Variants in CRPPA observed in about 807,000 individuals in gnomAD.
CRPPA encodes the protein D-ribitol-5-phosphate cytidylyltransferase.
Under a neutral mutation model 52.0 loss-of-function variants are expected in CRPPA, and 43 were observed. The ratio of observed to expected loss-of-function variants is 0.83; its 90% CI spans 0.65 to 1.07. The LOEUF (loss-of-function observed/expected upper bound fraction) is 1.07. CRPPA is among the 50% of genes least tolerant of loss of function. The probability of loss-of-function intolerance (pLI) is 0.00; values close to 1 mark genes in which losing one functional copy is unlikely to be tolerated. For synonymous variants in CRPPA, 250 were observed against 203.5 expected (o/e 1.23, Z -1.94); for missense variants, 629 against 551.7 (o/e 1.14, Z -1.40).
At chr7:16,273,243 G>T (rs553188515) in intron 6 of CRPPA, among the ~76,000 whole-genome samples, 1 of 152,042 alleles carries the variant, frequency 6.6e-6, no homozygotes, top group East Asian at 1.9e-4. Flanking sequence ...CCTGGGTACT[G>T]TGGCCCAAAG....
At chr7:16,286,066 T>TTTAAAA (rs1562608525) in intron 5 of CRPPA, among the ~76,000 whole-genome samples, 2 of 25,830 alleles carry the variant, frequency 7.7e-5, no homozygotes, top group South Asian at 7.2e-4. Flanking sequence ...TATATATATA[T>TTTAAAA]ATATATATAT....
At chr7:16,333,049 G>A (rs192323028) in intron 3 of CRPPA, among the ~76,000 whole-genome samples, 91 of 152,196 alleles carry the variant, frequency 6.0e-4, no homozygotes, top group African/African-American at 2.1e-3. Flanking sequence ...TCATAAAGGG[G>A]ACAATACTCT....
chr7:16,103,126 TA>T (rs776922593), intron 9 of CRPPA, among the ~76,000 whole-genome samples: 3 of 152,208 alleles, frequency 2.0e-5, no homozygotes, highest in Admixed American at 1.3e-4. Context: ...TATGCAGCCA[TA>T]AAAAGAATGA....
At chr7:16,366,808 A>C (rs1038704936) in intron 3 of CRPPA, among the ~76,000 whole-genome samples, 9 of 150,900 alleles carry the variant, frequency 6.0e-5, no homozygotes, top group East Asian at 1.9e-4. Flanking sequence ...AAAAAAAAAA[A>C]CATGGGAAAT....
At chr7:16,218,248 T>G in intron 8 of CRPPA, among the ~76,000 whole-genome samples, 1 of 122,886 alleles carries the variant, frequency 8.1e-6, no homozygotes, top group African/African-American at 3.1e-5. Context: ...TGCTGAGAGA[T>G]TTTGTCACCA....
chr7:16,400,620 A>G (rs968951185), intron 2 of CRPPA, among the ~76,000 whole-genome samples: 1 of 152,160 alleles, frequency 6.6e-6, no homozygotes, highest in Non-Finnish European at 1.5e-5. Context: ...CACAACCGAC[A>G]TGATGTGATC....
At chr7:16,231,863 G>A (rs1475304986) in intron 8 of CRPPA, among the ~76,000 whole-genome samples, 1 of 152,140 alleles carries the variant, frequency 6.6e-6, no homozygotes, top group African/African-American at 2.4e-5. Flanking sequence ...TAATCCCTAA[G>A]AGACACAAAA....
At chr7:16,348,497 A>G (rs770819538) in intron 3 of CRPPA, among the ~76,000 whole-genome samples, 1 of 152,180 alleles carries the variant, frequency 6.6e-6, no homozygotes, top group Non-Finnish European at 1.5e-5. Context: ...GAGGTAATGC[A>G]TCCTATAAAT....
intron 8 of CRPPA, among the ~76,000 whole-genome samples, chr7:16,246,429 C>T (rs1299971361): frequency 6.6e-6 from 1 of 152,068 alleles, no homozygotes; most frequent in Non-Finnish European, 1.5e-5. Flanking sequence ...GGATTATGAC[C>T]CCCCATGAAT....
chr7:16,345,756 C>A (rs1274089788), intron 3 of CRPPA, among the ~76,000 whole-genome samples: 1 of 149,134 alleles, frequency 6.7e-6, no homozygotes, highest in Non-Finnish European at 1.5e-5. Context: ...ACTCTCAGTC[C>A]TTTAGAGTTT....
At chr7:16,370,534 C>T (rs1355392704) in intron 3 of CRPPA, among the ~76,000 whole-genome samples, 1 of 152,138 alleles carries the variant, frequency 6.6e-6, no homozygotes, top group Non-Finnish European at 1.5e-5. Context: ...TGCAGTCTAG[C>T]ACTCAGGAAG....
intron 9 of CRPPA, among the ~76,000 whole-genome samples, chr7:16,190,633 T>C (rs1394220215): frequency 6.6e-6 from 1 of 152,106 alleles, no homozygotes; most frequent in African/African-American, 2.4e-5. Context: ...TTTTTTTCAA[T>C]AGATTTTTTG....
At chr7:16,162,916 C>T (rs1315426058) in intron 9 of CRPPA, among the ~76,000 whole-genome samples, 2 of 150,238 alleles carry the variant, frequency 1.3e-5, no homozygotes, top group African/African-American at 2.4e-5. Context: ...GCATTGATCC[C>T]TTTACCATTA....
chr7:16,348,619 C>T (rs1356332165), intron 3 of CRPPA, among the ~76,000 whole-genome samples: 1 of 151,988 alleles, frequency 6.6e-6, no homozygotes, highest in Non-Finnish European at 1.5e-5. Flanking sequence ...GGGAACAGTG[C>T]AGAAAAAAAC....
At chr7:16,169,713 T>C (rs977495350) in intron 9 of CRPPA, among the ~76,000 whole-genome samples, 3 of 152,242 alleles carry the variant, frequency 2.0e-5, no homozygotes, top group African/African-American at 4.8e-5. Flanking sequence ...TATCACCATT[T>C]CACTAGTGCC....
chr7:16,249,668 G>A (rs1036439964), intron 8 of CRPPA, among the ~76,000 whole-genome samples: 8 of 152,178 alleles, frequency 5.3e-5, no homozygotes, highest in Non-Finnish European at 1.0e-4. Flanking sequence ...CTAACAAACA[G>A]AAAGGATAGC....
chr7:16,352,893 A>G (rs1222195525), intron 3 of CRPPA, among the ~76,000 whole-genome samples: 2 of 43,756 alleles, frequency 4.6e-5, no homozygotes, highest in African/African-American at 6.9e-5. Flanking sequence ...ACACACACAC[A>G]CACACACACA....
chr7:16,207,947 T>C (rs1022079969), intron 9 of CRPPA, among the ~76,000 whole-genome samples: 1 of 152,232 alleles, frequency 6.6e-6, no homozygotes, highest in African/African-American at 2.4e-5. Context: ...GCCTTCTTTT[T>C]GTTTCTATTC....
intron 6 of CRPPA, chr7:16,277,159 GA>G (rs1307892201): frequency 6.6e-6 from 1 of 151,976 alleles, no homozygotes; most frequent in African/African-American, 2.4e-5. Context: ...AGGAAATTAG[GA>G]AACAGAGCTA....
Sources: gnomAD v4.1 joint callset for allele counts (sites outside exome capture counted in the v4.1 genomes callset) on GRCh38, gnomAD v4.1.1 for gene constraint, MANE v1.5 for transcripts, NCBI Gene and HGNC (gene_info 2026-07-23, HGNC 2026-07-21) for gene names.